The following ZHX1 variants were observed in gnomAD, a reference collection of about 807,000 sequenced individuals.
ZHX1 encodes the protein zinc fingers and homeoboxes 1.
In ZHX1, 20 loss-of-function variants were observed where a neutral mutation model predicts 61.8. That is an observed-to-expected ratio of 0.32 (90% CI 0.23 to 0.47). ZHX1 has a LOEUF of 0.47. Ranked by LOEUF, ZHX1 falls within the 20% of genes least tolerant of loss-of-function variation. The pLI, the probability that ZHX1 is intolerant of heterozygous loss-of-function variation, is 1.00. For synonymous variants in ZHX1, 318 were observed against 352.6 expected (o/e 0.90, Z 1.10); for missense variants, 800 against 1,034.8 (o/e 0.77, Z 3.11).
intron 2 of ZHX1, among the ~76,000 whole-genome samples, chr8:123,261,602 G>A (rs1826270078): frequency 6.6e-6 from 1 of 152,132 alleles, no homozygotes; most frequent in African/African-American, 2.4e-5. Context: ...AGTGCAGTAA[G>A]AAAGATATCA....
chr8:123,256,642 T>C (rs1187786118), intron 2 of ZHX1, among the ~76,000 whole-genome samples: 4 of 152,088 alleles, frequency 2.6e-5, no homozygotes, highest in African/African-American at 9.6e-5. Context: ...CAGGTGCCTG[T>C]AGTCCCAGCT....
At position 123,254,036 on chromosome 8, in the gene ZHX1, T is replaced by G; in HGVS notation, c.1911A>C (p.Ala637=). 6.2e-7 allele frequency: 1 copy of G among 1,614,098 alleles called. No individual in the cohort carries two copies. Among genetic ancestry groups the G allele is most frequent in the Non-Finnish European group, 8.5e-7 (1 of 1,180,022 alleles). ...EEKMEIDESN[A]GSSKEEAGET... is the part of the protein sequence containing the mutation. ...CTCCAGCTTCTTCTTTGGAACTACCTGCATTACTTTCATCTATTTCCATTT... is the reference window on the plus strand; with the variant it reads ...CTCCAGCTTCTTCTTTGGAACTACCGGCATTACTTTCATCTATTTCCATTT... The change falls in exon 3 of 4, where the codon GCA becomes GCC. Residue 637 remains alanine, a synonymous_variant. Coordinates refer to ENST00000395571, the MANE Select transcript of ZHX1 (RefSeq NM_007222.5). This position sits in a 1 kb window ranked among gnomAD's most constrained non-coding sequence, Gnocchi z 4.1.
chr8:123,268,001 CTAAA>C (rs927517767), intron 1 of ZHX1, among the ~76,000 whole-genome samples: 48 of 151,620 alleles, frequency 3.2e-4, no homozygotes, highest in African/African-American at 1.1e-3. Context: ...AACTCTGACT[CTAAA>C]TAAATAAATA....
intron 1 of ZHX1, among the ~76,000 whole-genome samples, chr8:123,273,214 G>A (rs958095171): frequency 3.3e-5 from 5 of 152,098 alleles, no homozygotes; most frequent in African/African-American, 1.2e-4. Flanking sequence ...AGTTACCCAC[G>A]GAGGAGAGAG....
intron 3 of ZHX1, chr8:123,252,641 A>T (rs1304599829): frequency 6.6e-6 from 1 of 152,188 alleles, no homozygotes; most frequent in African/African-American, 2.4e-5. Context: ...GATGCCGCCT[A>T]AGCAAACATG....
At chr8:123,263,216 A>G (rs1826340511) in intron 2 of ZHX1, among the ~76,000 whole-genome samples, 1 of 152,032 alleles carries the variant, frequency 6.6e-6, no homozygotes. Context: ...ACTCAAACAC[A>G]ATCTCCAGGG....
chr8:123,273,301 G>C (rs757620138), intron 1 of ZHX1, among the ~76,000 whole-genome samples: 1 of 152,136 alleles, frequency 6.6e-6, no homozygotes, highest in Non-Finnish European at 1.5e-5. Flanking sequence ...AAGGAAAGGG[G>C]ATCTGCCAGG....
intron 1 of ZHX1, among the ~76,000 whole-genome samples, chr8:123,267,679 T>C (rs1457006561): frequency 2.0e-5 from 3 of 151,916 alleles, no homozygotes; most frequent in East Asian, 1.9e-4. Context: ...AGTGTGAAAA[T>C]TGAGATGCAG....
chr8:123,251,558 C>G (rs146790728), intron 3 of ZHX1, among the ~76,000 whole-genome samples: 2 of 152,108 alleles, frequency 1.3e-5, no homozygotes, highest in African/African-American at 4.8e-5. Flanking sequence ...AAGACTGCAA[C>G]TCCCCAAAAA....
intron 2 of ZHX1, among the ~76,000 whole-genome samples, chr8:123,260,734 A>G (rs1341680592): frequency 3.9e-5 from 6 of 152,116 alleles, no homozygotes; most frequent in Admixed American, 3.3e-4. Context: ...TCATCTTGAG[A>G]GGACAGGTGC....
At chr8:123,268,001 C>CTAAATAAA (rs927517767) in intron 1 of ZHX1, among the ~76,000 whole-genome samples, 3,517 of 151,606 alleles carry the variant, frequency 0.023, 130 homozygotes, top group African/African-American at 0.08. Context: ...AACTCTGACT[C>CTAAATAAA]TAAATAAATA....
At position 123,255,507 on chromosome 8, in the gene ZHX1, G is replaced by A. The variant is rs1435621529; in HGVS notation, c.440C>T (p.Thr147Ile). 1.2e-6 allele frequency: 2 copies of A among 1,613,486 alleles called. No homozygotes were observed. Among genetic ancestry groups the A allele is most frequent in the Non-Finnish European group, 1.7e-6 (2 of 1,179,982 alleles). ...ACCATCAAAAGTCAGATCATTTATTGTTTGTTCAAAGATTGTCTGGTTATT... is the reference window on the plus strand; with the variant it reads ...ACCATCAAAAGTCAGATCATTTATTATTTGTTCAAAGATTGTCTGGTTATT... ...KRNNQTIFEQ[T>I]INDLTFDGSF... Residue 147 changes from threonine to isoleucine, a missense_variant, in exon 3 of 4, where the codon ACA becomes ATA. Transcript: ENST00000395571.
At chr8:123,271,523 T>C (rs929643902) in intron 1 of ZHX1, among the ~76,000 whole-genome samples, 1 of 152,174 alleles carries the variant, frequency 6.6e-6, no homozygotes, top group African/African-American at 2.4e-5. Flanking sequence ...AAAAGGGTTA[T>C]TTCCTCAGCT....
At chr8:123,272,420 T>C (rs545704256) in intron 1 of ZHX1, among the ~76,000 whole-genome samples, 1 of 152,340 alleles carries the variant, frequency 6.6e-6, no homozygotes, top group South Asian at 2.1e-4. Context: ...AAAATATTCA[T>C]GAAAGCCCTT....
rs1825853272 is a variant in ZHX1 at position 123,249,326 on chromosome 8, T to C, written c.*998A>G. The C allele has an allele frequency of 6.6e-6, 1 of 152,146 alleles. No homozygotes were observed. Among genetic ancestry groups the C allele is most frequent in the African/African-American group, 2.4e-5 (1 of 41,452 alleles). The allele number at this position is 152,146 out of a possible 1,614,324, so 9.4% of individuals were successfully genotyped here. A position where few individuals can be genotyped will look rare whatever the true frequency, so the allele number is the denominator to read the frequency against. On this transcript the variant is annotated 3_prime_UTR_variant, in exon 4 of 4. Transcript: ENST00000395571. Reference sequence around the variant, plus strand: ...GAGTTAACAGTTAACACTCCCATGATTCATAAGTGAAAAGCTAACTTTTAA... The same window carrying C: ...GAGTTAACAGTTAACACTCCCATGACTCATAAGTGAAAAGCTAACTTTTAA...
chr8:123,254,298 G>A lies in ZHX1; in HGVS notation c.1649C>T (p.Pro550Leu), dbSNP rs150624227. The A allele has an allele frequency of 3.8e-5, 61 of 1,614,110 alleles. No homozygotes were observed. The African/African-American group carries it at 7.1e-4, about 19-fold the overall frequency. The change falls in exon 3 of 4, where the codon CCA (proline) becomes CTA (leucine). Residue 550 changes from proline (P) to leucine (L), a missense_variant. Physicochemically the swap from Pro to Leu is moderately conservative, Grantham distance 98 (BLOSUM62 -3). Transcript: ENST00000395571. This position sits in a 1 kb window ranked among gnomAD's most constrained non-coding sequence, Gnocchi z 4.1. ...IDSSDETTES[P>L]TVGTAQPKQS... ...CTTAGGCTGTGCAGTACCAACAGTT[G>A]GGGATTCCGTGGTTTCATCACTGGA...
At chr8:123,263,884 T>C (rs1311108616) in intron 2 of ZHX1, among the ~76,000 whole-genome samples, 3 of 152,152 alleles carry the variant, frequency 2.0e-5, no homozygotes, top group African/African-American at 7.2e-5. Flanking sequence ...TTACATACAT[T>C]TTACTTCATT....
chr8:123,259,408 A>G (rs1209168300), intron 2 of ZHX1, among the ~76,000 whole-genome samples: 2 of 152,048 alleles, frequency 1.3e-5, no homozygotes, highest in African/African-American at 4.8e-5. Context: ...AAGTATCAAC[A>G]CAGATGTTTG....
intron 2 of ZHX1, among the ~76,000 whole-genome samples, chr8:123,264,955 G>A (rs1174073712): frequency 1.3e-5 from 2 of 150,462 alleles, no homozygotes; most frequent in Non-Finnish European, 3.0e-5. Context: ...TTGGGAGGCC[G>A]AGGCGGGTGG....
Sources: gnomAD v4.1 joint callset for allele counts (sites outside exome capture counted in the v4.1 genomes callset) on GRCh38, gnomAD v4.1.1 for gene constraint, Gnocchi (gnomAD v3.1) non-coding constraint, MANE v1.5 for transcripts, NCBI Gene and HGNC (gene_info 2026-07-23, HGNC 2026-07-21) for gene names.